SORCS1: variants seen among roughly 807,000 people sequenced by gnomAD.
The protein encoded by SORCS1 is VPS10 domain-containing receptor SorCS1.
Under a neutral mutation model 146.1 loss-of-function variants are expected in SORCS1, and 60 were observed. That is an observed-to-expected ratio of 0.41 (90% CI 0.33 to 0.51). The LOEUF (loss-of-function observed/expected upper bound fraction) is 0.51, where lower values mean the gene tolerates loss of function less well. Ranked by LOEUF, SORCS1 falls within the 20% of genes least tolerant of loss-of-function variation. The pLI is 0.21. For synonymous variants in SORCS1, 637 were observed against 584.0 expected (o/e 1.09, Z -1.31); for missense variants, 1,352 against 1,487.6 (o/e 0.91, Z 1.50).
intron 24 of SORCS1, among the ~76,000 whole-genome samples, chr10:106,587,844 T>TG (rs1343105275): frequency 6.1e-4 from 92 of 151,846 alleles, no homozygotes; most frequent in East Asian, 1.5e-3. Flanking sequence ...TGTATTTTTT[T>TG]TGGGGGGGGT....
intron 5 of SORCS1, among the ~76,000 whole-genome samples, chr10:106,742,368 C>A (rs1857423513): frequency 6.7e-6 from 1 of 149,752 alleles, no homozygotes; most frequent in Admixed American, 6.6e-5. Context: ...TACATATAGC[C>A]AGAAGATAAT....
chr10:106,767,532 A>C (rs978515889), intron 4 of SORCS1, among the ~76,000 whole-genome samples: 1 of 152,122 alleles, frequency 6.6e-6, no homozygotes, highest in Non-Finnish European at 1.5e-5. Context: ...TCTGTTGTTC[A>C]GGTTGGAGTA....
intron 2 of SORCS1, among the ~76,000 whole-genome samples, chr10:106,917,514 G>A (rs1952502739): frequency 6.6e-6 from 1 of 152,042 alleles, no homozygotes; most frequent in Admixed American, 6.6e-5. Flanking sequence ...ATTAGGCTGG[G>A]GATTATTAAC....
chr10:106,669,586 G>T (rs1247388929), intron 16 of SORCS1, among the ~76,000 whole-genome samples: 2 of 152,182 alleles, frequency 1.3e-5, no homozygotes, highest in African/African-American at 4.8e-5. Context: ...TGCATTTCAG[G>T]ATGTTAGTCC....
At chr10:106,781,213 T>C (rs1040270959) in intron 3 of SORCS1, among the ~76,000 whole-genome samples, 2 of 152,208 alleles carry the variant, frequency 1.3e-5, no homozygotes, top group Non-Finnish European at 2.9e-5. Flanking sequence ...ATGCTGTTCT[T>C]GGAATTCCAC....
intron 1 of SORCS1, among the ~76,000 whole-genome samples, chr10:107,161,886 G>C (rs931804793): frequency 1.3e-4 from 20 of 152,288 alleles, no homozygotes; most frequent in African/African-American, 4.8e-4. Context: ...GACCAGAGCA[G>C]AGACTGGGTC....
At chr10:106,739,895 G>A (rs1349007866) in intron 5 of SORCS1, among the ~76,000 whole-genome samples, 1 of 150,668 alleles carries the variant, frequency 6.6e-6, no homozygotes, top group African/African-American at 2.4e-5. Flanking sequence ...AGCTTGCAAT[G>A]AGCTGAGATC....
At chr10:107,052,826 C>T (rs540195688) in intron 1 of SORCS1, among the ~76,000 whole-genome samples, 22 of 152,062 alleles carry the variant, frequency 1.4e-4, no homozygotes, top group African/African-American at 4.8e-4. Context: ...CTTATTAGAA[C>T]ATTAGTGATA....
At chr10:107,026,165 C>T (rs1958391526) in intron 1 of SORCS1, among the ~76,000 whole-genome samples, 1 of 152,136 alleles carries the variant, frequency 6.6e-6, no homozygotes, top group South Asian at 2.1e-4. Flanking sequence ...TTCCTTTACA[C>T]ATTGGAATGT....
intron 1 of SORCS1, among the ~76,000 whole-genome samples, chr10:107,147,179 T>C (rs774766465): frequency 3.3e-5 from 5 of 152,208 alleles, no homozygotes; most frequent in Non-Finnish European, 7.3e-5. Context: ...GGCACAGTGC[T>C]CTTAGGTCAG....
intron 1 of SORCS1, among the ~76,000 whole-genome samples, chr10:107,127,051 G>A (rs1364927722): frequency 1.3e-5 from 2 of 152,096 alleles, no homozygotes; most frequent in Non-Finnish European, 2.9e-5. Context: ...GGCTTTGGAA[G>A]TAAATGAGAT....
chr10:106,639,783 A>G (rs1848947867), intron 18 of SORCS1, among the ~76,000 whole-genome samples: 1 of 152,156 alleles, frequency 6.6e-6, no homozygotes. Flanking sequence ...GCTGGCTTAG[A>G]AACTGATACC....
Position 106,851,819 on chromosome 10 carries a change from T to C in SORCS1, c.627-22146A>G, listed in dbSNP as rs574903764. ...ACTGACATCTTGGCAATATTGAGTC[T>C]TTCTGTCCATGGATATGGAATATCT... On this transcript the variant is annotated intron_variant, in intron 2 of 25. Coordinates refer to ENST00000263054, the MANE Select transcript of SORCS1 (RefSeq NM_052918.5). 2.0e-5 allele frequency among the ~76,000 whole-genome samples: 3 copies of C among 152,370 alleles called. No homozygotes were observed. The East Asian group carries it at 5.8e-4, about 29-fold the overall frequency.
At chr10:107,043,912 C>T (rs944936396) in intron 1 of SORCS1, among the ~76,000 whole-genome samples, 9 of 152,188 alleles carry the variant, frequency 5.9e-5, no homozygotes, top group East Asian at 3.8e-4. Flanking sequence ...GCTCACTTCA[C>T]GTCTAGGTTT....
intron 10 of SORCS1, among the ~76,000 whole-genome samples, chr10:106,683,098 A>G (rs967667420): frequency 2.0e-5 from 3 of 152,222 alleles, no homozygotes; most frequent in Non-Finnish European, 2.9e-5. Context: ...ACAACCATAC[A>G]GAGTTTTTCA....
intron 2 of SORCS1, among the ~76,000 whole-genome samples, chr10:106,956,058 A>T (rs1954922879): frequency 6.6e-6 from 1 of 151,378 alleles, no homozygotes; most frequent in African/African-American, 2.4e-5. Flanking sequence ...TGAACCCGGG[A>T]GGCAGAGGTT....
chr10:107,169,405 C>A (rs1304695951), upstream of SORCS1, among the ~76,000 whole-genome samples: 1 of 152,128 alleles, frequency 6.6e-6, no homozygotes, highest in Non-Finnish European at 1.5e-5. Flanking sequence ...CAGGTATCAA[C>A]AAATACAGAC....
At chr10:107,065,510 C>CTCCTCTCCTCTCTTTCTT (rs71025577) in intron 1 of SORCS1, among the ~76,000 whole-genome samples, 8 of 86,412 alleles carry the variant, frequency 9.3e-5, no homozygotes, top group East Asian at 7.1e-4. Context: ...CTCCTCTCCT[C>CTCCTCTCCTCTCTTTCTT]TCTTTCTTTC....
At chr10:106,801,156 C>T (rs1946848996) in intron 3 of SORCS1, among the ~76,000 whole-genome samples, 1 of 152,084 alleles carries the variant, frequency 6.6e-6, no homozygotes, top group East Asian at 1.9e-4. Context: ...TAGAAATTAG[C>T]TCATTAAATA....
Sources: gnomAD v4.1 joint callset for allele counts (sites outside exome capture counted in the v4.1 genomes callset) on GRCh38, gnomAD v4.1.1 for gene constraint, MANE v1.5 for transcripts, NCBI Gene and HGNC (gene_info 2026-07-23, HGNC 2026-07-21) for gene names.